The following FRYL variants were observed in gnomAD, a reference collection of about 807,000 sequenced individuals.
The protein encoded by FRYL is FRY like transcription coactivator.
A neutral mutation model predicts 351.2 loss-of-function variants in FRYL; 150 were observed. That is an observed-to-expected ratio of 0.43 (90% CI 0.37 to 0.49). The LOEUF is 0.49. FRYL is among the 20% of genes least tolerant of loss of function. The pLI, the probability that FRYL is intolerant of heterozygous loss-of-function variation, is 0.00. For synonymous variants in FRYL, 1,153 were observed against 1,257.1 expected (o/e 0.92, Z 1.75); for missense variants, 3,036 against 3,619.3 (o/e 0.84, Z 4.13).
At chr4:48,533,762 T>C (rs1728234479) in intron 49 of FRYL, among the ~76,000 whole-genome samples, 1 of 152,206 alleles carries the variant, frequency 6.6e-6, no homozygotes, top group Non-Finnish European at 1.5e-5. Flanking sequence ...CTTGTCATCA[T>C]TTACATTTAA....
At chr4:48,620,416 C>G (rs375701363) in intron 6 of FRYL, among the ~76,000 whole-genome samples, 5 of 152,254 alleles carry the variant, frequency 3.3e-5, no homozygotes, top group African/African-American at 1.2e-4. Flanking sequence ...TTGCATGATA[C>G]CCAGTATGAG....
chr4:48,556,594 G>A (rs1428043785), intron 35 of FRYL, among the ~76,000 whole-genome samples: 1 of 152,144 alleles, frequency 6.6e-6, no homozygotes, highest in African/African-American at 2.4e-5. Context: ...TTTCTCTCAA[G>A]TGTCATCTTG....
Position 48,774,674 on chromosome 4 carries a change from T to C in FRYL, c.-384+5404A>G, listed in dbSNP as rs557383696. Among the ~76,000 whole-genome samples the C allele has an allele frequency of 7.2e-5, 11 of 151,896 alleles. No individual in the cohort carries two copies. The South Asian group carries it at 2.3e-3, about 32-fold the overall frequency. ...GATTCTCTTGCCTCAGACTCCAGAG[T>C]ACCTGGGACTACAGGCATGTGCCAC... On this transcript the variant is annotated intron_variant, in intron 1 of 63. Coordinates refer to ENST00000358350, the MANE Select transcript of FRYL (RefSeq NM_015030.2).
chr4:48,725,571 C>T (rs1054353012), intron 1 of FRYL, among the ~76,000 whole-genome samples: 6 of 152,182 alleles, frequency 3.9e-5, no homozygotes, highest in Non-Finnish European at 7.3e-5. Flanking sequence ...TGAAATGTCA[C>T]GCTGTCCTGC....
At chr4:48,574,983 T>C (rs1248579861) in intron 25 of FRYL, 134 bp downstream of exon 25, 9 of 605,596 alleles carry the variant, frequency 1.5e-5, no homozygotes, top group African/African-American at 7.5e-5. Context: ...GGCTAGTTAA[T>C]TGGTGAAAGT....
rs762306617 is a variant in FRYL, at chr4:48,550,648, T to C, written c.4577A>G (p.His1526Arg). The C allele has an allele frequency of 5.0e-6, 8 of 1,614,128 alleles. No homozygotes were observed. Among genetic ancestry groups the C allele is most frequent in the Non-Finnish European group, 8.5e-7 (1 of 1,179,970 alleles). Residue 1526 changes from histidine to arginine, a missense_variant, in exon 38 of 64, where the codon CAC becomes CGC. Physicochemically the swap from His to Arg is conservative, Grantham distance 29. Around this residue, in one of 7 missense-constraint regions of FRYL, gnomAD observed 1,987 missense variants for 2,311.7 expected, o/e 0.86. Transcript: ENST00000358350. ...GCTACTGTATCGGGATTCTAGTCTG[T>C]GATGTTGCCGATTCAAATGACTGTT... ...GLNSHLNRQH[H>R]RLESRYSSSS... is the part of the protein sequence containing the mutation.
At chr4:48,608,907 A>G in intron 9 of FRYL, 80 bp downstream of exon 9, 1 of 854,044 alleles carries the variant, frequency 1.2e-6, no homozygotes, top group South Asian at 1.4e-5. Context: ...ATTTCGAACT[A>G]TCAGTATCTA....
chr4:48,722,627 G>A (rs528300894), intron 1 of FRYL, among the ~76,000 whole-genome samples: 3 of 152,264 alleles, frequency 2.0e-5, no homozygotes, highest in South Asian at 2.1e-4. Flanking sequence ...TACAAAAAAC[G>A]TTAGTAATAA....
chr4:48,524,116 A>C (rs1230666323), intron 53 of FRYL, among the ~76,000 whole-genome samples: 2 of 152,166 alleles, frequency 1.3e-5, no homozygotes, highest in African/African-American at 2.4e-5. Context: ...CTGGCTACCA[A>C]AATATGATTT....
At chr4:48,634,763 T>C (rs1753903459) in intron 3 of FRYL, among the ~76,000 whole-genome samples, 1 of 152,200 alleles carries the variant, frequency 6.6e-6, no homozygotes, top group African/African-American at 2.4e-5. Flanking sequence ...TTGTTGTTCA[T>C]GGTAAATCCC....
At chr4:48,730,863 T>C (rs748184151) in intron 1 of FRYL, among the ~76,000 whole-genome samples, 42 of 152,162 alleles carry the variant, frequency 2.8e-4, no homozygotes, top group Non-Finnish European at 4.7e-4. Flanking sequence ...AATTCACACA[T>C]AACAATATTA....
In FRYL at chr4:48,549,402, A is replaced by G; in HGVS notation, c.4784+71T>C. The G allele has an allele frequency of 1.4e-6, 2 of 1,389,452 alleles. No homozygotes were observed. The highest frequency in any genetic ancestry group is 9.8e-7 in the Non-Finnish European group (1 of 1,020,076). 86.1% of individuals were successfully genotyped at this position (1,389,452 alleles called of 1,614,324 possible). A position where few individuals can be genotyped will look rare whatever the true frequency, so the allele number is the denominator to read the frequency against. ...TTGCTTTCATTCTGTGTTGTCAGATAGCACAAAGAAAGCCGACAGTGTTCA... is the reference window on the plus strand; with the variant it reads ...TTGCTTTCATTCTGTGTTGTCAGATGGCACAAAGAAAGCCGACAGTGTTCA... On this transcript the variant is annotated intron_variant, in intron 39 of 63. Transcript: ENST00000358350. The surrounding 1 kb of genome is among the most constrained non-coding windows in gnomAD (Gnocchi z 4.2).
chr4:48,723,555 C>T (rs1769726477), intron 1 of FRYL, among the ~76,000 whole-genome samples: 1 of 152,168 alleles, frequency 6.6e-6, no homozygotes, highest in Admixed American at 6.5e-5. Flanking sequence ...ACCTAGCAGT[C>T]ACATGTATTT....
chr4:48,534,758 G>T (rs1318380001), intron 48 of FRYL, 73 bp from the exon 49 acceptor site: 2 of 919,650 alleles, frequency 2.2e-6, no homozygotes, highest in South Asian at 3.5e-5. Context: ...ATTTACATTT[G>T]ACAGGTTGGA....
chr4:48,741,873 G>A (rs1273372128), intron 1 of FRYL, among the ~76,000 whole-genome samples: 1 of 152,154 alleles, frequency 6.6e-6, no homozygotes, highest in Non-Finnish European at 1.5e-5. Flanking sequence ...GAGGGATGAG[G>A]GATAAACAGG....
At chr4:48,580,774 G>A in intron 22 of FRYL, 91 bp downstream of exon 22, 1 of 791,088 alleles carries the variant, frequency 1.3e-6, no homozygotes, top group Non-Finnish European at 2.1e-6. Context: ...TGTTAAGGAA[G>A]TTATTTTATG....
rs1157221088 is a variant in FRYL, at chr4:48,719,088, C to T, written c.-383-8390G>A. ...ATGCATCTCAGATATTGCTTCCTAGCGCATAACTCTGATCACAAAACCCCC... is the reference window on the plus strand; with the variant it reads ...ATGCATCTCAGATATTGCTTCCTAGTGCATAACTCTGATCACAAAACCCCC... On this transcript the variant is annotated intron_variant, in intron 1 of 63. Transcript: ENST00000358350. 3.3e-5 allele frequency among the ~76,000 whole-genome samples: 5 copies of T among 151,686 alleles called. No homozygotes were observed. The South Asian group carries it at 1.0e-3, about 32-fold the overall frequency.
intron 2 of FRYL, among the ~76,000 whole-genome samples, chr4:48,705,875 C>T (rs904514835): frequency 2.0e-5 from 3 of 152,000 alleles, no homozygotes; most frequent in Non-Finnish European, 4.4e-5. Context: ...GTCACTCTGT[C>T]GCCCAGGCTG....
intron 2 of FRYL, among the ~76,000 whole-genome samples, chr4:48,701,780 A>G (rs1325211601): frequency 6.6e-6 from 1 of 152,186 alleles, no homozygotes; most frequent in African/African-American, 2.4e-5. Context: ...GCATTCAAAT[A>G]CCTACACATT....
Sources: allele counts gnomAD v4.1 joint callset (sites outside exome capture counted in the v4.1 genomes callset), GRCh38; gene constraint gnomAD v4.1.1; regional missense constraint gnomAD v4.1.1; non-coding constraint Gnocchi (gnomAD v3.1); transcripts MANE v1.5; gene names NCBI Gene and HGNC (gene_info 2026-07-23, HGNC 2026-07-21).